The following SMPDL3B variants were observed in gnomAD, a reference collection of about 807,000 sequenced individuals.
SMPDL3B encodes sphingomyelin phosphodiesterase acid like 3B, also known as acid sphingomyelinase-like phosphodiesterase 3b.
SMPDL3B carries 31 observed loss-of-function variants against 37.9 expected under a neutral mutation model. The observed-to-expected ratio is 0.82, with a 90% CI of 0.61 to 1.10. The LOEUF (loss-of-function observed/expected upper bound fraction) is 1.10, where lower values mean the gene tolerates loss of function less well. Ranked by LOEUF, SMPDL3B falls within the 50% of genes least tolerant of loss-of-function variation. The pLI is 0.00. For missense variants in SMPDL3B, 525 were observed against 597.8 expected (o/e 0.88, Z 1.27); for synonymous variants, 235 against 242.6 (o/e 0.97, Z 0.29).
chr1:27,947,642 G>A (rs1292471226), intron 2 of SMPDL3B, among the ~76,000 whole-genome samples: 6 of 115,410 alleles, frequency 5.2e-5, no homozygotes, highest in African/African-American at 1.9e-4. Flanking sequence ...AAAGAAATTA[G>A]GTGTTTTTTT....
chr1:27,941,131 G>A (rs1489159341), intron 1 of SMPDL3B, among the ~76,000 whole-genome samples: 4 of 152,168 alleles, frequency 2.6e-5, no homozygotes, highest in Admixed American at 2.6e-4. Flanking sequence ...TTATTTTGAT[G>A]TAGGGCCTGG....
At chr1:27,939,205 CCT>C (rs1557490470) in intron 1 of SMPDL3B, 2 of 152,180 alleles carry the variant, frequency 1.3e-5, no homozygotes, top group African/African-American at 2.4e-5. Context: ...TTCCTGCCCC[CCT>C]GTCTCCAACC....
Position 27,945,301 on chromosome 1 carries a change from T to C in SMPDL3B, c.131T>C (p.Val44Ala). ...AAGGTATCCAAAGACCCCTTCCAGG[T>C]GTGCCCATCAGCTGGATCCCAGCCA... Reference protein sequence around the residue: ...DYKVSKDPFQVCPSAGSQPVP... With the variant: ...DYKVSKDPFQACPSAGSQPVP... Residue 44 changes from valine to alanine, a missense_variant, in exon 2 of 8, where the codon GTG becomes GCG. Coordinates refer to ENST00000373894, the MANE Select transcript of SMPDL3B (RefSeq NM_014474.4). The surrounding 1 kb of genome is among the most constrained non-coding windows in gnomAD (Gnocchi z 4.0). 1 of 1,614,178 alleles carries C rather than the reference T, an allele frequency of 6.2e-7. No homozygotes were observed. Among genetic ancestry groups the C allele is most frequent in the Middle Eastern group, 1.6e-4 (1 of 6,062 alleles).
rs1326222598 is a variant in SMPDL3B, at chr1:27,945,566, G to A, written c.275+121G>A. ...TCACATCAGTCTCACGTGAGGCTGA[G>A]GAACCTAAAGCTCAAAGGAATTTTG... On this transcript the variant is annotated intron_variant, in intron 2 of 7. Coordinates refer to ENST00000373894, the MANE Select transcript of SMPDL3B (RefSeq NM_014474.4). The surrounding 1 kb of genome is among the most constrained non-coding windows in gnomAD (Gnocchi z 4.0). 1.6e-5 allele frequency: 13 copies of A among 811,272 alleles called. No individual in the cohort carries two copies. The highest frequency in any genetic ancestry group is 2.6e-5 in the Non-Finnish European group (13 of 492,834). 50.3% of individuals were successfully genotyped at this position (811,272 alleles called of 1,614,324 possible). A position where few individuals can be genotyped will look rare whatever the true frequency, so the allele number is the denominator to read the frequency against.
intron 1 of SMPDL3B, among the ~76,000 whole-genome samples, chr1:27,937,583 T>C (rs145994959): frequency 8.1e-4 from 124 of 152,286 alleles, no homozygotes; most frequent in Middle Eastern, 3.4e-3. Context: ...TTGTGTGGTG[T>C]GGGTTATAGG....
chr1:27,951,895 TAAA>T (rs2090458362), intron 3 of SMPDL3B, among the ~76,000 whole-genome samples: 1 of 152,204 alleles, frequency 6.6e-6, no homozygotes, highest in Non-Finnish European at 1.5e-5. Flanking sequence ...GGTAATCTCA[TAAA>T]GACTCAGTCT....
In SMPDL3B at chr1:27,945,884, C is replaced by A. The variant is rs1398347377; in HGVS notation, c.275+439C>A. ...TAGTGTCCTGGCCAGCTGCTGGCCA[C>A]CCCTGGGCTGCCCAGTGGTCCTGGA... On this transcript the variant is annotated intron_variant, in intron 2 of 7. Transcript: ENST00000373894. The surrounding 1 kb of genome is among the most constrained non-coding windows in gnomAD (Gnocchi z 4.0). Among the ~76,000 whole-genome samples the A allele has an allele frequency of 1.3e-5, 2 of 152,126 alleles. No individual in the cohort carries two copies. Among genetic ancestry groups the A allele is most frequent in the Non-Finnish European group, 2.9e-5 (2 of 68,022 alleles).
intron 3 of SMPDL3B, among the ~76,000 whole-genome samples, chr1:27,950,085 G>A (rs2090443732): frequency 6.6e-6 from 1 of 152,120 alleles, no homozygotes; most frequent in South Asian, 2.1e-4. Flanking sequence ...AACTAGTGAA[G>A]GTCACATTTA....
chr1:27,948,972 A>C, intron 2 of SMPDL3B, 93 bp from the exon 3 acceptor site: 1 of 1,588,442 alleles, frequency 6.3e-7, no homozygotes, highest in Non-Finnish European at 8.6e-7. Flanking sequence ...GCCCAGGTCC[A>C]TAGGTTTTCC....
chr1:27,955,594 C>A, intron 5 of SMPDL3B, 90 bp from the exon 6 acceptor site: 4 of 1,338,518 alleles, frequency 3.0e-6, no homozygotes, highest in South Asian at 1.3e-5. Context: ...TGTCTACCTG[C>A]CTTTGGGGCA....
rs1174528356 is a variant in SMPDL3B at position 27,958,471 on chromosome 1, T to G, written c.1006-5T>G. On this transcript the variant is annotated splice_region_variant and splice_polypyrimidine_tract_variant and intron_variant, in intron 7 of 7. Coordinates refer to ENST00000373894, the MANE Select transcript of SMPDL3B (RefSeq NM_014474.4). This position sits in a 1 kb window ranked among gnomAD's most constrained non-coding sequence, Gnocchi z 5.6. ...CAGCCGGTCTACCCCAAACCCTTTT[T>G]CCAGGACATGGTGACCTACTTCATG... 1 of 1,594,874 alleles carries G rather than the reference T, an allele frequency of 6.3e-7. No homozygotes were observed. Among genetic ancestry groups the G allele is most frequent in the Non-Finnish European group, 8.6e-7 (1 of 1,165,490 alleles).
intron 7 of SMPDL3B, among the ~76,000 whole-genome samples, chr1:27,957,243 T>C (rs1001994957): frequency 6.6e-6 from 1 of 152,112 alleles, no homozygotes; most frequent in African/African-American, 2.4e-5. Flanking sequence ...GGATAGTAGC[T>C]TGCCCAGGGT....
intron 1 of SMPDL3B, among the ~76,000 whole-genome samples, chr1:27,944,860 TCA>T: frequency 6.6e-6 from 1 of 152,042 alleles, no homozygotes; most frequent in South Asian, 2.1e-4. Flanking sequence ...ATAGCCCAGG[TCA>T]CACAGCTCCT....
chr1:27,957,699 G>A (rs966310420), intron 7 of SMPDL3B, among the ~76,000 whole-genome samples: 3 of 152,114 alleles, frequency 2.0e-5, no homozygotes, highest in Non-Finnish European at 2.9e-5. Context: ...AAGGGTCTGA[G>A]CAAGGGGAAT....
intron 7 of SMPDL3B, chr1:27,956,519 CA>C: frequency 9.2e-7 from 1 of 1,089,660 alleles, no homozygotes; most frequent in Non-Finnish European, 1.1e-6. Flanking sequence ...GCCCATTGTC[CA>C]CATTTTCCGT....
intron 1 of SMPDL3B, among the ~76,000 whole-genome samples, chr1:27,941,207 C>T (rs751342728): frequency 1.3e-5 from 2 of 152,170 alleles, no homozygotes; most frequent in Admixed American, 6.6e-5. Flanking sequence ...TTCTGGGCGG[C>T]GGGGGGTTCC....
chr1:27,940,618 T>C (rs545985959), intron 1 of SMPDL3B, among the ~76,000 whole-genome samples: 1 of 152,292 alleles, frequency 6.6e-6, no homozygotes, highest in African/African-American at 2.4e-5. Flanking sequence ...AGCTACTCAC[T>C]GTACTCAATA....
chr1:27,941,893 C>T (rs1165408378), intron 1 of SMPDL3B, among the ~76,000 whole-genome samples: 1 of 152,148 alleles, frequency 6.6e-6, no homozygotes. Context: ...GGAGTTGGAG[C>T]TGCCCACCTG....
intron 5 of SMPDL3B, among the ~76,000 whole-genome samples, chr1:27,955,243 G>A (rs2090489817): frequency 6.6e-6 from 1 of 152,200 alleles, no homozygotes; most frequent in Admixed American, 6.5e-5. Context: ...TCTAACTCCT[G>A]CCATGGTGGC....
Sources: gnomAD v4.1 joint callset for allele counts (sites outside exome capture counted in the v4.1 genomes callset) on GRCh38, gnomAD v4.1.1 for gene constraint, Gnocchi (gnomAD v3.1) non-coding constraint, MANE v1.5 for transcripts, NCBI Gene and HGNC (gene_info 2026-07-23, HGNC 2026-07-21) for gene names.